The following TMEM63A variants were observed in gnomAD, a reference collection of about 807,000 sequenced individuals.
The protein encoded by TMEM63A is mechanosensitive cation channel TMEM63A.
TMEM63A carries 76 observed loss-of-function variants against 100.6 expected under a neutral mutation model. That is an observed-to-expected ratio of 0.76 (90% CI 0.63 to 0.91). The LOEUF (loss-of-function observed/expected upper bound fraction) is 0.91, where lower values mean the gene tolerates loss of function less well. TMEM63A is among the 40% of genes least tolerant of loss of function. The pLI, the probability that TMEM63A is intolerant of heterozygous loss-of-function variation, is 0.00. For synonymous variants in TMEM63A, 401 were observed against 401.1 expected (o/e 1.00, Z 0.00); for missense variants, 876 against 1,008.8 (o/e 0.87, Z 1.78).
intron 20 of TMEM63A, among the ~76,000 whole-genome samples, chr1:225,851,503 G>A (rs1669340409): frequency 6.6e-6 from 1 of 152,108 alleles, no homozygotes; most frequent in Admixed American, 6.5e-5. Context: ...CCGAGTAGCT[G>A]GGATTACAGG....
At position 225,867,763 on chromosome 1, in the gene TMEM63A, T is replaced by C. The variant is rs1453963663; in HGVS notation, c.514+125A>G. On this transcript the variant is annotated intron_variant, in intron 7 of 24. Coordinates refer to ENST00000366835, the MANE Select transcript of TMEM63A (RefSeq NM_014698.3). This position sits in a 1 kb window ranked among gnomAD's most constrained non-coding sequence, Gnocchi z 4.6. ...CAGATAGAAATGTTCAGAGTCACCC[T>C]GAGACCATCTTACATCTGAAGTGGG... The C allele has an allele frequency of 7.6e-6, 10 of 1,317,376 alleles. No individual in the cohort carries two copies. The African/African-American group carries it at 8.9e-5, about 12-fold the overall frequency. The allele number at this position is 1,317,376 out of a possible 1,614,324, so 81.6% of individuals were successfully genotyped here. A position where few individuals can be genotyped will look rare whatever the true frequency, so the allele number is the denominator to read the frequency against.
intron 6 of TMEM63A, among the ~76,000 whole-genome samples, chr1:225,869,991 G>A (rs360088): frequency 0.53 from 80,323 of 151,748 alleles, 23,077 homozygotes; most frequent in Middle Eastern, 0.65. Context: ...TGAGGTGTAC[G>A]CTATCGTTAT....
chr1:225,847,335 A>G, intron 23 of TMEM63A, 122 bp from the exon 24 acceptor site: 1 of 1,250,088 alleles, frequency 8.0e-7, no homozygotes, highest in Admixed American at 2.6e-5. Flanking sequence ...ATGAAGAAAC[A>G]CCGACATCCA....
chr1:225,879,744 C>T (rs932631493), intron 1 of TMEM63A, among the ~76,000 whole-genome samples: 6 of 152,192 alleles, frequency 3.9e-5, no homozygotes, highest in South Asian at 2.1e-4. Context: ...TGTGGGCTCA[C>T]GGTAGGGCCC....
At position 225,867,776 on chromosome 1, in the gene TMEM63A, C is replaced by T; in HGVS notation, c.514+112G>A. The T allele has an allele frequency of 7.2e-7, 1 of 1,386,462 alleles. No homozygotes were observed. Among genetic ancestry groups the T allele is most frequent in the Non-Finnish European group, 9.8e-7 (1 of 1,015,632 alleles). The allele number at this position is 1,386,462 out of a possible 1,614,324, so 85.9% of individuals were successfully genotyped here. A position where few individuals can be genotyped will look rare whatever the true frequency, so the allele number is the denominator to read the frequency against. ...TCAGAGTCACCCTGAGACCATCTTA[C>T]ATCTGAAGTGGGGCATGACTCCTGG... On this transcript the variant is annotated intron_variant, in intron 7 of 24. Transcript: ENST00000366835. This position sits in a 1 kb window ranked among gnomAD's most constrained non-coding sequence, Gnocchi z 4.6.
chr1:225,849,143 T>C (rs184852), intron 21 of TMEM63A, 131 bp from the exon 22 acceptor site: 284,898 of 681,760 alleles, frequency 0.42, 61,514 homozygotes, highest in African/African-American at 0.45. Flanking sequence ...AAAATAAAGG[T>C]AAGGCCTAAC....
intron 20 of TMEM63A, among the ~76,000 whole-genome samples, chr1:225,850,495 G>C (rs1028593813): frequency 6.6e-6 from 1 of 152,160 alleles, no homozygotes; most frequent in African/African-American, 2.4e-5. Flanking sequence ...TTACTCATGT[G>C]GTCCTAAGAC....
chr1:225,845,376 C>T (rs757485823), downstream of TMEM63A: 10 of 1,529,512 alleles, frequency 6.5e-6, no homozygotes, highest in South Asian at 1.1e-4. Context: ...CCTGCCACCT[C>T]CCCCCACAAG....
At position 225,877,464 on chromosome 1, in the gene TMEM63A, G is replaced by T; in HGVS notation, c.117C>A (p.Ser39Arg). 1 of 1,614,204 alleles carries T rather than the reference G, an allele frequency of 6.2e-7. No individual in the cohort carries two copies. Among genetic ancestry groups the T allele is most frequent in the Admixed American group, 1.7e-5 (1 of 60,016 alleles). The change falls in exon 3 of 25, where the codon AGC becomes AGA. Residue 39 changes from serine to arginine, a missense_variant. By Grantham distance (110) the Ser-to-Arg change is moderately radical. This residue lies in a region of TMEM63A where 43 missense variants were observed against 48.9 expected (regional missense o/e 0.88). Coordinates refer to ENST00000366835, the MANE Select transcript of TMEM63A (RefSeq NM_014698.3). Reference protein sequence around the residue: ...DSYCYNSAKNSTVLQGVTFGG... With the variant: ...DSYCYNSAKNRTVLQGVTFGG... ...CAAAGGTGACCCCCTGGAGCACGGT[G>T]CTGTTTTTGGCCGAGTTGTAGCAAT...
downstream of TMEM63A, chr1:225,845,334 T>A (rs45563137): frequency 3.0e-3 from 4,832 of 1,610,504 alleles, 15 homozygotes; most frequent in Non-Finnish European, 3.9e-3. Flanking sequence ...CTGTCGGTGC[T>A]GGAGCGGCAA....
At chr1:225,848,608 A>G (rs360063) in intron 22 of TMEM63A, 54 bp from the exon 23 acceptor site, 967,080 of 1,579,976 alleles carry the variant, frequency 0.61, 298,732 homozygotes, top group African/African-American at 0.78. Context: ...CTCTGTGAAC[A>G]AACACCCTCC....
intron 6 of TMEM63A, among the ~76,000 whole-genome samples, chr1:225,869,212 C>T (rs897533011): frequency 2.0e-5 from 3 of 152,206 alleles, no homozygotes; most frequent in South Asian, 2.1e-4. Flanking sequence ...CCTACCTCAT[C>T]AGCTTAGCAG....
intron 1 of TMEM63A, among the ~76,000 whole-genome samples, chr1:225,881,379 G>A (rs552640075): frequency 6.6e-6 from 1 of 152,298 alleles, no homozygotes; most frequent in East Asian, 1.9e-4. Context: ...CCCAGGACCC[G>A]GCCCTAGCAA....
intron 3 of TMEM63A, among the ~76,000 whole-genome samples, chr1:225,876,560 G>A (rs1219034094): frequency 6.6e-6 from 1 of 152,204 alleles, no homozygotes; most frequent in Non-Finnish European, 1.5e-5. Context: ...AATGCCATGG[G>A]GCATCTTTGT....
chr1:225,860,110 A>G, intron 14 of TMEM63A: 1 of 152,860 alleles, frequency 6.5e-6, no homozygotes, highest in Non-Finnish European at 1.5e-5. Context: ...CAGACCCACA[A>G]AGCAATCCTG....
At chr1:225,863,283 G>C (rs2102623000) in intron 10 of TMEM63A, among the ~76,000 whole-genome samples, 1 of 152,262 alleles carries the variant, frequency 6.6e-6, no homozygotes, top group South Asian at 2.1e-4. Flanking sequence ...CTGGCCTCAA[G>C]CACTCCTCCT....
intron 15 of TMEM63A, among the ~76,000 whole-genome samples, chr1:225,857,614 CA>C (rs1669709731): frequency 1.3e-5 from 2 of 150,244 alleles, no homozygotes; most frequent in South Asian, 4.2e-4. Flanking sequence ...AAAAAAAAAA[CA>C]AAACGCTGTT....
intron 6 of TMEM63A, 96 bp downstream of exon 6, chr1:225,870,980 T>TAAGATC: frequency 7.7e-7 from 1 of 1,298,662 alleles, no homozygotes; most frequent in Non-Finnish European, 1.1e-6. Flanking sequence ...GACACCATCT[T>TAAGATC]AAGATCAAGC....
chr1:225,874,477 G>A, intron 3 of TMEM63A, 110 bp from the exon 4 acceptor site: 1 of 893,372 alleles, frequency 1.1e-6, no homozygotes, highest in Non-Finnish European at 1.7e-6. Flanking sequence ...GGGCTAGAAG[G>A]AAAACACCCA....
Sources: gnomAD v4.1 joint callset for allele counts (sites outside exome capture counted in the v4.1 genomes callset) on GRCh38, gnomAD v4.1.1 for gene constraint, gnomAD v4.1.1 regional missense constraint, Gnocchi (gnomAD v3.1) non-coding constraint, MANE v1.5 for transcripts, NCBI Gene and HGNC (gene_info 2026-07-23, HGNC 2026-07-21) for gene names.